Variants in TTYH2 observed in about 807,000 individuals in gnomAD.
The protein encoded by TTYH2 is tweety family member 2.
A neutral mutation model predicts 68.3 loss-of-function variants in TTYH2; 49 were observed. The ratio of observed to expected loss-of-function variants is 0.72; its 90% CI spans 0.57 to 0.91. The LOEUF is 0.91. Ranked by LOEUF, TTYH2 falls within the 40% of genes least tolerant of loss-of-function variation. The pLI, the probability that TTYH2 is intolerant of heterozygous loss-of-function variation, is 0.00. For synonymous variants in TTYH2, 272 were observed against 300.8 expected (o/e 0.90, Z 0.99); for missense variants, 631 against 700.4 (o/e 0.90, Z 1.12).
At chr17:74,231,034 C>G in intron 3 of TTYH2, 35 bp downstream of exon 3, 2 of 1,597,260 alleles carry the variant, frequency 1.3e-6, no homozygotes, top group Non-Finnish European at 1.7e-6. Context: ...GGTACAGGCA[C>G]AGCCCACAAG....
At chr17:74,221,520 T>C (rs1255940537) in intron 1 of TTYH2, among the ~76,000 whole-genome samples, 2 of 152,166 alleles carry the variant, frequency 1.3e-5, no homozygotes, top group African/African-American at 4.8e-5. Context: ...TGGGAACCCC[T>C]ATTGGGGGTG....
intron 3 of TTYH2, 146 bp downstream of exon 3, chr17:74,231,145 G>A: frequency 1.4e-6 from 1 of 729,882 alleles, no homozygotes; most frequent in Non-Finnish European, 2.2e-6. Context: ...CGCCTGCGCT[G>A]CAGTTGCCTC....
rs755651777 is a variant in TTYH2, at chr17:74,250,246, C to T, written c.1024-19C>T. On this transcript the variant is annotated intron_variant, in intron 9 of 13. Transcript: ENST00000269346. ...TCCTCCACAGCCCCTCGGCCTCTCT[C>T]GCTCTCTTCCCGCTTCAGGAAGACC... 1.1e-4 allele frequency: 66 copies of T among 591,506 alleles called. No individual in the cohort carries two copies. Among genetic ancestry groups the T allele is most frequent in the Non-Finnish European group, 1.5e-4 (63 of 418,330 alleles). The allele number at this position is 591,506 out of a possible 1,614,324, so 36.6% of individuals were successfully genotyped here.
At chr17:74,251,097 GTGCGTGTGTGGTGTGTTT>G (rs2050619710) in intron 10 of TTYH2, among the ~76,000 whole-genome samples, 1 of 53,366 alleles carries the variant, frequency 1.9e-5, no homozygotes, top group Non-Finnish European at 4.0e-5. Flanking sequence ...GTATATGTCT[GTGCGTGTGTGGTGTGTTT>G]CTGCGGTTGT....
chr17:74,220,013 CT>C (rs151193448), intron 1 of TTYH2, among the ~76,000 whole-genome samples: 10 of 144,558 alleles, frequency 6.9e-5, no homozygotes, highest in Middle Eastern at 3.4e-3. Context: ...GGTTGGGTTA[CT>C]TTTTTTTTAA....
In TTYH2 at chr17:74,215,639, A is replaced by G; in HGVS notation, c.129+1923A>G. 2.0e-6 allele frequency: 3 copies of G among 1,535,642 alleles called. No individual in the cohort carries two copies. Among genetic ancestry groups the G allele is most frequent in the Non-Finnish European group, 2.6e-6 (3 of 1,146,880 alleles). On this transcript the variant is annotated intron_variant, in intron 1 of 13. Coordinates refer to ENST00000269346, the MANE Select transcript of TTYH2 (RefSeq NM_032646.6). This position sits in a 1 kb window ranked among gnomAD's most constrained non-coding sequence, Gnocchi z 4.3. ...CCCCTCACCACCACTCAGATCGCTG[A>G]GTAGGAGATGAGCGTGGTGGGCCAG...
At chr17:74,225,351 CA>C (rs933140793) in intron 2 of TTYH2, among the ~76,000 whole-genome samples, 1 of 151,634 alleles carries the variant, frequency 6.6e-6, no homozygotes, top group African/African-American at 2.4e-5. Context: ...TCAGAAGACA[CA>C]GGGGGCAGAT....
At chr17:74,226,684 GAAGAA>G (rs931317450) in intron 2 of TTYH2, among the ~76,000 whole-genome samples, 26 of 152,288 alleles carry the variant, frequency 1.7e-4, no homozygotes, top group Non-Finnish European at 3.1e-4. Context: ...TGAATCCGCA[GAAGAA>G]AAGACCAACA....
In TTYH2 at chr17:74,214,031, G is replaced by C. The variant is rs1274405231; in HGVS notation, c.129+315G>C. Among the ~76,000 whole-genome samples, 1 of 152,316 alleles carries C rather than the reference G, an allele frequency of 6.6e-6. No individual in the cohort carries two copies. Among genetic ancestry groups the C allele is most frequent in the East Asian group, 1.9e-4 (1 of 5,154 alleles). On this transcript the variant is annotated intron_variant, in intron 1 of 13. Transcript: ENST00000269346. This position sits in a 1 kb window ranked among gnomAD's most constrained non-coding sequence, Gnocchi z 4.6. ...GCTGAGCGGGCAGGGCGGCGCGGGG[G>C]AGGGGTAAGGACAGGGGCATTCGTC...
Position 74,252,344 on chromosome 17 carries a change from A to C in TTYH2, c.1227A>C (p.Ala409=). 6.2e-7 allele frequency: 1 copy of C among 1,613,502 alleles called. No homozygotes were observed. Among genetic ancestry groups the C allele is most frequent in the Non-Finnish European group, 8.5e-7 (1 of 1,179,882 alleles). The change falls in exon 11 of 14, where the codon GCA becomes GCC. Residue 409 remains alanine (A), a synonymous_variant. Transcript: ENST00000269346. ...AALAFSTMIC[A]GPRAWKHFTT... ...TCGCCTTCTCCACCATGATCTGTGC[A>C]GGGCCAAGGGCCTGGAAGCACTTCA...
At chr17:74,252,893 C>T (rs988977165) in intron 11 of TTYH2, among the ~76,000 whole-genome samples, 188 bp from the exon 12 acceptor site, 3 of 152,098 alleles carry the variant, frequency 2.0e-5, no homozygotes, top group Admixed American at 6.5e-5. Context: ...AAGAGCTGGT[C>T]GTGAAGCTGG....
At chr17:74,248,896 T>C in intron 6 of TTYH2, 115 bp from the exon 7 acceptor site, 1 of 1,561,578 alleles carries the variant, frequency 6.4e-7, no homozygotes, top group Non-Finnish European at 8.7e-7. Flanking sequence ...AGACTGTCCT[T>C]TGCCACCTGG....
intron 5 of TTYH2, 122 bp downstream of exon 5, chr17:74,243,591 T>C: frequency 1.0e-6 from 1 of 973,316 alleles, no homozygotes; most frequent in Non-Finnish European, 1.6e-6. Context: ...TGAGGCCACC[T>C]TCTGCCCCGT....
At chr17:74,256,762 C>G (rs1034773586) in intron 13 of TTYH2, 5 of 152,266 alleles carry the variant, frequency 3.3e-5, no homozygotes, top group Non-Finnish European at 7.3e-5. Flanking sequence ...AATTCTCATG[C>G]CTCAGCCTCC....
At chr17:74,223,941 C>T (rs1280365317) in intron 2 of TTYH2, among the ~76,000 whole-genome samples, 1 of 152,202 alleles carries the variant, frequency 6.6e-6, no homozygotes, top group African/African-American at 2.4e-5. Context: ...GCTAAAGCAG[C>T]CTTGTGGGGC....
chr17:74,219,873 A>C (rs1337807875), intron 1 of TTYH2, among the ~76,000 whole-genome samples: 1 of 151,906 alleles, frequency 6.6e-6, no homozygotes, highest in Non-Finnish European at 1.5e-5. Flanking sequence ...GCTGCTGTGA[A>C]CATTTGTGTA....
intron 6 of TTYH2, among the ~76,000 whole-genome samples, chr17:74,245,916 C>G (rs1269155161): frequency 1.3e-5 from 2 of 152,056 alleles, no homozygotes; most frequent in African/African-American, 4.8e-5. Context: ...CCTCCCTGTC[C>G]CTAGAAAGGA....
chr17:74,231,101 G>A lies in TTYH2; in HGVS notation c.414+102G>A, dbSNP rs536676385. On this transcript the variant is annotated intron_variant, in intron 3 of 13. Transcript: ENST00000269346. ...GATCCCAGCTAGCTCAGCTGCACAC[G>A]GAGGGGCTGTGTGACGCCTGAGGGC... The A allele has an allele frequency of 2.2e-5, 24 of 1,103,260 alleles. No individual in the cohort carries two copies. In the South Asian group the frequency reaches 2.5e-4, roughly 11 times the overall value. 68.3% of individuals were successfully genotyped at this position (1,103,260 alleles called of 1,614,324 possible).
chr17:74,220,644 G>A (rs1327563977), intron 1 of TTYH2, among the ~76,000 whole-genome samples: 1 of 152,204 alleles, frequency 6.6e-6, no homozygotes, highest in Non-Finnish European at 1.5e-5. Context: ...TCTATCCCTG[G>A]GCTTGCTGGG....
Sources: gnomAD v4.1 joint callset for allele counts (sites outside exome capture counted in the v4.1 genomes callset) on GRCh38, gnomAD v4.1.1 for gene constraint, Gnocchi (gnomAD v3.1) non-coding constraint, MANE v1.5 for transcripts, NCBI Gene and HGNC (gene_info 2026-07-23, HGNC 2026-07-21) for gene names.